The following KANSL1 variants were observed in gnomAD, a reference collection of about 807,000 sequenced individuals.
KANSL1 encodes KAT8 regulatory NSL complex subunit 1, also known as MLL1/MLL complex subunit KANSL1.
KANSL1 carries 22 observed loss-of-function variants against 103.6 expected under a neutral mutation model. The ratio of observed to expected loss-of-function variants is 0.21; its 90% CI spans 0.15 to 0.30. The LOEUF is 0.30. Among genes scored for constraint, KANSL1 ranks in the 10% least tolerant of loss-of-function variants. The pLI is 1.00. For missense variants in KANSL1, 1,337 were observed against 1,399.8 expected (o/e 0.96, Z 0.72); for synonymous variants, 600 against 527.6 (o/e 1.14, Z -1.88).
At chr17:46,086,508 T>G (rs2146868435) in intron 3 of KANSL1, among the ~76,000 whole-genome samples, 1 of 152,312 alleles carries the variant, frequency 6.6e-6, no homozygotes, top group East Asian at 1.9e-4. Flanking sequence ...GAGAGACCTA[T>G]CCCTCTCCCC....
In KANSL1 at chr17:46,140,433, G is replaced by A. The variant is rs556008928; in HGVS notation, c.1289+30422C>T. ...CGATCAAAGCCCTACTTAAATGTAA[G>A]CATTGAAACTCCTGGAAAAAAGCAT... On this transcript the variant is annotated intron_variant, in intron 2 of 14. Transcript: ENST00000432791. 1.4e-4 allele frequency among the ~76,000 whole-genome samples: 22 copies of A among 152,168 alleles called. No individual in the cohort carries two copies. The East Asian group carries it at 4.2e-3, about 29-fold the overall frequency.
chr17:46,151,157 A>T (rs1340821182), intron 2 of KANSL1, among the ~76,000 whole-genome samples: 1 of 152,252 alleles, frequency 6.6e-6, no homozygotes, highest in Non-Finnish European at 1.5e-5. Flanking sequence ...AGAATGAGTT[A>T]TAACTGAGTT....
At chr17:46,067,889 C>T (rs944848037) in intron 4 of KANSL1, among the ~76,000 whole-genome samples, 5 of 152,084 alleles carry the variant, frequency 3.3e-5, no homozygotes, top group Admixed American at 3.3e-4. Context: ...GCAGGAGGAT[C>T]GCTTGAGACC....
intron 11 of KANSL1, among the ~76,000 whole-genome samples, chr17:46,033,687 G>A (rs150205473): frequency 3.3e-5 from 5 of 152,282 alleles, no homozygotes; most frequent in Non-Finnish European, 7.3e-5. Flanking sequence ...AGCGGCCTAG[G>A]GTAAGGCTGA....
intron 2 of KANSL1, among the ~76,000 whole-genome samples, chr17:46,156,334 G>A (rs370519533): frequency 2.6e-5 from 4 of 152,148 alleles, no homozygotes; most frequent in Non-Finnish European, 4.4e-5. Context: ...GCGACAGACC[G>A]AGATTCTGTC....
At chr17:46,078,430 A>G (rs1259180265) in intron 4 of KANSL1, among the ~76,000 whole-genome samples, 1 of 152,200 alleles carries the variant, frequency 6.6e-6, no homozygotes, top group Non-Finnish European at 1.5e-5. Context: ...GAGCACAAAG[A>G]TCTGAAAGGG....
chr17:46,096,883 C>A (rs146283796), intron 2 of KANSL1, among the ~76,000 whole-genome samples: 579 of 152,316 alleles, frequency 3.8e-3, no homozygotes, highest in Middle Eastern at 0.01. Flanking sequence ...TCCCAAAGTG[C>A]TGGGATTACA....
chr17:46,074,451 A>G (rs1364451008), intron 4 of KANSL1, among the ~76,000 whole-genome samples: 1 of 152,062 alleles, frequency 6.6e-6, no homozygotes, highest in Non-Finnish European at 1.5e-5. Context: ...CCTTTAGTAA[A>G]CAACACAGCA....
In KANSL1 at chr17:46,146,571, C is replaced by A. The variant is rs112306237; in HGVS notation, c.1289+24284G>T. Among the ~76,000 whole-genome samples, 2 of 112,562 alleles carry A rather than the reference C, an allele frequency of 1.8e-5. 1 individual carries two copies. 73.8% of individuals were successfully genotyped at this position (112,562 alleles called of 152,430 possible). ...AGTTGAGGCCGGGCGCGGTGGCTCA[C>A]GCCTGTAATCCCAGCACTTTGGGAG... On this transcript the variant is annotated intron_variant, in intron 2 of 14. Coordinates refer to ENST00000432791, the MANE Select transcript of KANSL1 (RefSeq NM_015443.4).
Position 46,067,546 on chromosome 17 carries a change from T to C in KANSL1, c.1652+3A>G. Reference sequence around the variant, plus strand: ...TGTAGGAAGTAGAAGAGCTAAAACTTACGTGTTAATAACTCCATTGACAGG... The same window carrying C: ...TGTAGGAAGTAGAAGAGCTAAAACTCACGTGTTAATAACTCCATTGACAGG... On this transcript the variant is annotated splice_donor_region_variant and intron_variant, in intron 5 of 14. Coordinates refer to ENST00000432791, the MANE Select transcript of KANSL1 (RefSeq NM_015443.4). The C allele has an allele frequency of 6.5e-7, 1 of 1,540,468 alleles. No individual in the cohort carries two copies. The highest frequency in any genetic ancestry group is 9.0e-7 in the Non-Finnish European group (1 of 1,112,984).
At chr17:46,060,799 G>C (rs1391476412) in intron 6 of KANSL1, among the ~76,000 whole-genome samples, 4 of 152,094 alleles carry the variant, frequency 2.6e-5, no homozygotes, top group Non-Finnish European at 5.9e-5. Flanking sequence ...CAGGAAACCT[G>C]GTCATAGCCA....
At chr17:46,156,364 GA>G (rs1352808514) in intron 2 of KANSL1, among the ~76,000 whole-genome samples, 1 of 152,006 alleles carries the variant, frequency 6.6e-6, no homozygotes, top group Non-Finnish European at 1.5e-5. Flanking sequence ...CATTAACAAA[GA>G]ATACTCCAGA....
At chr17:46,208,353 T>G (rs1002581362) in intron 1 of KANSL1, among the ~76,000 whole-genome samples, 2 of 152,164 alleles carry the variant, frequency 1.3e-5, no homozygotes, top group African/African-American at 4.8e-5. Context: ...GGCACATGCC[T>G]GTAATCCCAG....
At position 46,030,734 on chromosome 17, in the gene KANSL1, C is replaced by T. The variant is rs7350928; in HGVS notation, c.*742G>A. On this transcript the variant is annotated 3_prime_UTR_variant, in exon 15 of 15. Coordinates refer to ENST00000432791, the MANE Select transcript of KANSL1 (RefSeq NM_015443.4). Reference sequence around the variant, plus strand: ...GGTAAAAATATTCCAAGTGGAAGGACGGGTTGTGGGTGTGTACATGGCATG... The same window carrying T: ...GGTAAAAATATTCCAAGTGGAAGGATGGGTTGTGGGTGTGTACATGGCATG... 21,815 of 151,890 alleles carry T rather than the reference C, an allele frequency of 0.14. 2,135 individuals carry two copies. Among genetic ancestry groups the T allele is most frequent in the Non-Finnish European group, 0.22 (14,770 of 68,022 alleles). The allele number at this position is 151,890 out of a possible 1,614,324, so 9.4% of individuals were successfully genotyped here. A position where few individuals can be genotyped will look rare whatever the true frequency, so the allele number is the denominator to read the frequency against.
At chr17:46,034,057 G>A in intron 11 of KANSL1, 104 bp downstream of exon 11, 2 of 1,372,848 alleles carry the variant, frequency 1.5e-6, no homozygotes, top group Non-Finnish European at 2.0e-6. Context: ...TTAATGAGAA[G>A]ACAGAACCAA....
In KANSL1 at chr17:46,030,204, A is replaced by C. The variant is rs183793920; in HGVS notation, c.*1272T>G. 3.3e-5 allele frequency: 5 copies of C among 152,392 alleles called. No homozygotes were observed. Among genetic ancestry groups the C allele is most frequent in the East Asian group, 1.9e-4 (1 of 5,180 alleles). The allele number at this position is 152,392 out of a possible 1,614,324, so 9.4% of individuals were successfully genotyped here. On this transcript the variant is annotated 3_prime_UTR_variant, in exon 15 of 15. Coordinates refer to ENST00000432791, the MANE Select transcript of KANSL1 (RefSeq NM_015443.4). Reference sequence around the variant, plus strand: ...GAATTTTCAACCTTATAAATAGAAGAAGCACTTTATGCATAGGGATATGGT... The same window carrying C: ...GAATTTTCAACCTTATAAATAGAAGCAGCACTTTATGCATAGGGATATGGT...
intron 2 of KANSL1, among the ~76,000 whole-genome samples, chr17:46,126,631 T>C (rs2043572269): frequency 6.6e-6 from 1 of 152,178 alleles, no homozygotes; most frequent in Non-Finnish European, 1.5e-5. Context: ...TGTAATCTAT[T>C]TCCCCAACTT....
chr17:46,074,200 T>A (rs55768133), intron 4 of KANSL1, among the ~76,000 whole-genome samples: 1,962 of 152,220 alleles, frequency 0.013, 48 homozygotes, highest in African/African-American at 0.045. Flanking sequence ...TTTCAAAATA[T>A]AAGCGGTACA....
In KANSL1 at chr17:46,039,185, C is replaced by G; in HGVS notation, c.2234G>C (p.Arg745Thr). 1 of 1,596,322 alleles carries G rather than the reference C, an allele frequency of 6.3e-7. No homozygotes were observed. Among genetic ancestry groups the G allele is most frequent in the South Asian group, 1.1e-5 (1 of 88,646 alleles). ...ATCGTCTAAGTGCTGCCTGTGGGTCCTGTCAGGCCGGGTTTGGTGATGGGA... is the reference window on the plus strand; with the variant it reads ...ATCGTCTAAGTGCTGCCTGTGGGTCGTGTCAGGCCGGGTTTGGTGATGGGA... The part of the protein sequence containing the change: ...KLSHHQTRPD[R>T]THRQHLDDVG... The change falls in exon 9 of 15, where the codon AGG (arginine) becomes ACG (threonine). Residue 745 changes from arginine to threonine, a missense_variant. By Grantham distance (71) the Arg-to-Thr change is moderately conservative. Coordinates refer to ENST00000432791, the MANE Select transcript of KANSL1 (RefSeq NM_015443.4).
Sources: allele counts gnomAD v4.1 joint callset (sites outside exome capture counted in the v4.1 genomes callset), GRCh38; gene constraint gnomAD v4.1.1; transcripts MANE v1.5; gene names NCBI Gene and HGNC (gene_info 2026-07-23, HGNC 2026-07-21).